The following PXMP4 variants were observed in gnomAD, a reference collection of about 807,000 sequenced individuals.
PXMP4 encodes the protein peroxisomal membrane protein 4.
PXMP4 carries 16 observed loss-of-function variants against 21.6 expected under a neutral mutation model. The observed-to-expected ratio is 0.74, with a 90% CI of 0.50 to 1.13. PXMP4 has a LOEUF of 1.13. Among genes scored for constraint, PXMP4 ranks in the 50% most tolerant of loss-of-function variants. The pLI, the probability that PXMP4 is intolerant of heterozygous loss-of-function variation, is 0.00. For synonymous variants in PXMP4, 127 were observed against 123.8 expected (o/e 1.03, Z -0.17); for missense variants, 240 against 277.7 (o/e 0.86, Z 0.96).
intron 2 of PXMP4, among the ~76,000 whole-genome samples, chr20:33,712,348 A>G (rs530750648): frequency 6.6e-6 from 1 of 152,106 alleles, no homozygotes; most frequent in Non-Finnish European, 1.5e-5. Flanking sequence ...ACATTTGCTC[A>G]CTTGCATCAC....
Position 33,710,728 on chromosome 20 carries a change from G to C in PXMP4, c.202C>G (p.Leu68Val). ...CAGGAGTGGATATATGTGGCCTGCA[G>C]TATGGCCCACAGCTTCTCCTGGAGG... ...GSLQEKLWAI[L>V]QATYIHSWNL... is the part of the protein sequence containing the mutation. The change falls in exon 3 of 4, where the codon CTG (leucine) becomes GTG (valine). Residue 68 changes from leucine (L) to valine (V), a missense_variant. Transcript: ENST00000409299. 2 of 1,612,152 alleles carry C rather than the reference G, an allele frequency of 1.2e-6. No homozygotes were observed. Among genetic ancestry groups the C allele is most frequent in the Non-Finnish European group, 1.7e-6 (2 of 1,178,860 alleles).
rs780690405 is a variant in PXMP4, at chr20:33,707,945, C to A, written c.400G>T (p.Val134Phe). 2.5e-6 allele frequency: 4 copies of A among 1,613,886 alleles called. No individual in the cohort carries two copies. Among genetic ancestry groups the A allele is most frequent in the African/African-American group, 1.3e-5 (1 of 74,984 alleles). ...SQINMYLLSR[V>F]LFALSRLAVE... is the part of the protein sequence containing the mutation. ...GCCAGGCGGCTCAGGGCAAACAGGA[C>A]GCGTGACAACAGGTACATGTTGATC... Residue 134 changes from valine to phenylalanine, a missense_variant, in exon 4 of 4, where the codon GTC (valine) becomes TTC (phenylalanine). Physicochemically the swap from Val to Phe is conservative, Grantham distance 50 (BLOSUM62 -1). Coordinates refer to ENST00000409299, the MANE Select transcript of PXMP4 (RefSeq NM_007238.5).
chr20:33,710,346 C>A, intron 3 of PXMP4, among the ~76,000 whole-genome samples: 1 of 150,930 alleles, frequency 6.6e-6, no homozygotes, highest in Admixed American at 6.6e-5. Flanking sequence ...CGCCCCTTCC[C>A]CCACTCCTAC....
At chr20:33,719,166 G>A (rs2018419716) in intron 1 of PXMP4, among the ~76,000 whole-genome samples, 1 of 152,202 alleles carries the variant, frequency 6.6e-6, no homozygotes, top group East Asian at 1.9e-4. Flanking sequence ...AAAGTGCTAG[G>A]ATTACAGGTG....
chr20:33,710,060 C>G lies in PXMP4; in HGVS notation c.375+495G>C, dbSNP rs74707568. On this transcript the variant is annotated intron_variant, in intron 3 of 3. Coordinates refer to ENST00000409299, the MANE Select transcript of PXMP4 (RefSeq NM_007238.5). ...CTCTACACTGAGCCACGCCCTTGTC[C>G]CCACTCATAACTCTACACTGAACCA... is the stretch of plus-strand genomic sequence containing the variant. Among the ~76,000 whole-genome samples, 1,421 of 145,642 alleles carry G rather than the reference C, an allele frequency of 9.8e-3. 36 individuals are homozygous for G. Among genetic ancestry groups the G allele is most frequent in the African/African-American group, 0.036 (1,359 of 37,962 alleles).
rs1160962677 is a variant in PXMP4, at chr20:33,704,962, G to A, written c.*2744C>T. 6.6e-6 allele frequency: 1 copy of A among 151,212 alleles called. No individual in the cohort carries two copies. Among genetic ancestry groups the A allele is most frequent in the Non-Finnish European group, 1.5e-5 (1 of 67,826 alleles). The allele number at this position is 151,212 out of a possible 1,614,324, so 9.4% of individuals were successfully genotyped here. ...GTAGCCCATGGACCAGATTTTCCTG[G>A]AGACTTGTTTGATTTGTCCAGGATT... On this transcript the variant is annotated 3_prime_UTR_variant, in exon 4 of 4. Coordinates refer to ENST00000409299, the MANE Select transcript of PXMP4 (RefSeq NM_007238.5).
rs1044366726 is a variant in PXMP4 at position 33,720,118 on chromosome 20, A to G, written c.90T>C (p.Leu30=). The G allele has an allele frequency of 1.2e-6, 2 of 1,613,686 alleles. No homozygotes were observed. Among genetic ancestry groups the G allele is most frequent in the African/African-American group, 1.3e-5 (1 of 75,068 alleles). The change falls in exon 1 of 4, where the codon CTT becomes CTC. Residue 30 remains leucine (L), a synonymous_variant. Transcript: ENST00000409299. Reference sequence around the variant, plus strand: ...ACACAGCCCCGTTCCGGAAGCCCTTAAGCACGGCCAACGCAGCGTGGTAGC... The same window carrying G: ...ACACAGCCCCGTTCCGGAAGCCCTTGAGCACGGCCAACGCAGCGTGGTAGC... ...KRRYHAALAV[L]KGFRNGAVYG...
Position 33,720,095 on chromosome 20 carries a change from A to G in PXMP4, c.113T>C (p.Val38Ala), listed in dbSNP as rs2018432869. 6.2e-7 allele frequency: 1 copy of G among 1,613,396 alleles called. No homozygotes were observed. Among genetic ancestry groups the G allele is most frequent in the African/African-American group, 1.3e-5 (1 of 75,048 alleles). ...AVLKGFRNGA[V>A]YGAKIRAPHA... ...AGCCCGGCCCGACGGCCCCACTCACACAGCCCCGTTCCGGAAGCCCTTAAG... is the reference window on the plus strand; with the variant it reads ...AGCCCGGCCCGACGGCCCCACTCACGCAGCCCCGTTCCGGAAGCCCTTAAG... Residue 38 changes from valine to alanine, a missense_variant and splice_region_variant, in exon 1 of 4, where the codon GTC (valine) becomes GCC (alanine). Val to Ala is a moderately conservative substitution (Grantham distance 64, BLOSUM62 0). Coordinates refer to ENST00000409299, the MANE Select transcript of PXMP4 (RefSeq NM_007238.5).
intron 2 of PXMP4, among the ~76,000 whole-genome samples, chr20:33,711,694 G>T (rs1568920857): frequency 6.6e-6 from 1 of 151,776 alleles, no homozygotes; most frequent in African/African-American, 2.4e-5. Context: ...CTTAAAAAAA[G>T]AAAAAATTAC....
chr20:33,709,314 A>G (rs1236621799), intron 3 of PXMP4, among the ~76,000 whole-genome samples: 1 of 152,196 alleles, frequency 6.6e-6, no homozygotes, highest in Admixed American at 6.5e-5. Context: ...AAAACAGAAC[A>G]AAAACCCAAC....
At chr20:33,717,660 T>TAAAAAAAAAAAAAAAAAA (rs2018398410) in intron 1 of PXMP4, among the ~76,000 whole-genome samples, 3 of 109,056 alleles carry the variant, frequency 2.8e-5, no homozygotes, top group African/African-American at 1.2e-4. Context: ...AAAAAAAAAT[T>TAAAAAAAAAAAAAAAAAA]ATTAAATATT....
Position 33,707,616 on chromosome 20 carries a change from T to G in PXMP4, c.*90A>C. ...CCCTGGGATAACACCAGTTGGAGTC[T>G]GAGGCCTATGATCTTGAGAAGGCAG... On this transcript the variant is annotated 3_prime_UTR_variant, in exon 4 of 4. Coordinates refer to ENST00000409299, the MANE Select transcript of PXMP4 (RefSeq NM_007238.5). The G allele has an allele frequency of 6.7e-7, 1 of 1,501,498 alleles. No individual in the cohort carries two copies. The highest frequency in any genetic ancestry group is 9.0e-7 in the Non-Finnish European group (1 of 1,106,900). 93.0% of individuals were successfully genotyped at this position (1,501,498 alleles called of 1,614,324 possible).
chr20:33,711,257 T>C (rs1302184864), intron 2 of PXMP4, among the ~76,000 whole-genome samples: 1 of 152,158 alleles, frequency 6.6e-6, no homozygotes, highest in Non-Finnish European at 1.5e-5. Flanking sequence ...TATGATCTAC[T>C]GGGAGAGGAA....
intron 1 of PXMP4, among the ~76,000 whole-genome samples, chr20:33,718,843 G>A (rs1293371942): frequency 1.3e-5 from 2 of 152,190 alleles, no homozygotes; most frequent in Non-Finnish European, 2.9e-5. Context: ...TAAATACCAG[G>A]TGCTAGTAAT....
In PXMP4 at chr20:33,708,182, AT is replaced by A. The variant is rs553959918; in HGVS notation, c.376-214del. Among the ~76,000 whole-genome samples the A allele has an allele frequency of 8.7e-3, 1,197 of 137,034 alleles. 3 individuals are homozygous for A. The highest frequency in any genetic ancestry group is 9.6e-3 in the Non-Finnish European group (607 of 62,964). 89.9% of individuals were successfully genotyped at this position (137,034 alleles called of 152,430 possible). A position where few individuals can be genotyped will look rare whatever the true frequency, so the allele number is the denominator to read the frequency against. On this transcript the variant is annotated intron_variant, in intron 3 of 3. Transcript: ENST00000409299. Reference sequence around the variant, plus strand: ...TGCAATTTCATTGATTTCTGTACTAATTTTTTTTTTTTTTTTCTGAGACAGA... The same window carrying A: ...TGCAATTTCATTGATTTCTGTACTAATTTTTTTTTTTTTTTCTGAGACAGA...
At chr20:33,709,516 A>G (rs1345408497) in intron 3 of PXMP4, among the ~76,000 whole-genome samples, 1 of 152,112 alleles carries the variant, frequency 6.6e-6, no homozygotes, top group Non-Finnish European at 1.5e-5. Context: ...TCTTTGCCCC[A>G]GAGAGCAGCA....
rs1442677591 is a variant in PXMP4, at chr20:33,710,636, C to T, written c.294G>A (p.Lys98=). ...CCAGGAATGCGTGTGCTGGGTAGGTCTTGCCTTGTATGTAGGACTGCAGGG... is the reference window on the plus strand; with the variant it reads ...CCAGGAATGCGTGTGCTGGGTAGGTTTTGCCTTGTATGTAGGACTGCAGGG... ...LRALQSYIQG[K]TYPAHAFLAA... Residue 98 remains lysine, a synonymous_variant, in exon 3 of 4, where the codon AAG becomes AAA. Coordinates refer to ENST00000409299, the MANE Select transcript of PXMP4 (RefSeq NM_007238.5). 2 of 1,613,984 alleles carry T rather than the reference C, an allele frequency of 1.2e-6. No homozygotes were observed. Among genetic ancestry groups the T allele is most frequent in the Non-Finnish European group, 1.7e-6 (2 of 1,179,986 alleles).
chr20:33,712,153 G>A (rs571508579), intron 2 of PXMP4, among the ~76,000 whole-genome samples: 146 of 152,238 alleles, frequency 9.6e-4, no homozygotes, highest in African/African-American at 3.4e-3. Context: ...GGGGACAGCC[G>A]GGAGCAGATG....
chr20:33,708,084 G>T, intron 3 of PXMP4, 115 bp from the exon 4 acceptor site: 1 of 1,236,168 alleles, frequency 8.1e-7, no homozygotes, highest in Non-Finnish European at 1.1e-6. Flanking sequence ...CTGGCTAGGG[G>T]TTTATTTATT....
Sources: gnomAD v4.1 joint callset for allele counts (sites outside exome capture counted in the v4.1 genomes callset) on GRCh38, gnomAD v4.1.1 for gene constraint, MANE v1.5 for transcripts, NCBI Gene and HGNC (gene_info 2026-07-23, HGNC 2026-07-21) for gene names.